The following USE1 variants were observed in gnomAD, a reference collection of about 807,000 sequenced individuals.
USE1 encodes the protein vesicle transport protein USE1.
USE1 carries 32 observed loss-of-function variants against 37.6 expected under a neutral mutation model. That is an observed-to-expected ratio of 0.85 (90% CI 0.64 to 1.14). The LOEUF is 1.14. USE1 is among the 50% of genes most tolerant of loss of function. USE1 has a pLI of 0.00. For synonymous variants in USE1, 149 were observed against 137.6 expected (o/e 1.08, Z -0.58); for missense variants, 310 against 332.2 (o/e 0.93, Z 0.52).
rs550089290 is a variant in USE1, at chr19:17,215,489, C to G, written c.84C>G (p.Asp28Glu). ...EAMAAEKRDP[D>E]EWRLEKYVGA... The stretch of plus-strand genomic sequence containing the variant: ...TGGCAGCGGAGAAACGGGACCCGGA[C>G]GAGTGGCGCCTGGAGAAGGTGAGGG... Residue 28 changes from aspartate (D) to glutamate (E), a missense_variant, in exon 1 of 8, where the codon GAC (aspartate) becomes GAG (glutamate). Physicochemically the swap from Asp to Glu is conservative, Grantham distance 45 (BLOSUM62 2). Transcript: ENST00000263897. 3 of 1,561,388 alleles carry G rather than the reference C, an allele frequency of 1.9e-6. No homozygotes were observed. Among genetic ancestry groups the G allele is most frequent in the South Asian group, 1.2e-5 (1 of 84,676 alleles).
intron 5 of USE1, 93 bp downstream of exon 5, chr19:17,217,555 C>T: frequency 6.6e-7 from 1 of 1,521,234 alleles, no homozygotes; most frequent in Non-Finnish European, 8.9e-7. Flanking sequence ...GCCGAGACTC[C>T]ATGCCCTGAC....
rs1413873717 is a variant in USE1 at position 17,216,060 on chromosome 19, C to G, written c.221C>G (p.Ala74Gly). Residue 74 changes from alanine to glycine, a missense_variant, in exon 3 of 8, where the codon GCC becomes GGC. Coordinates refer to ENST00000263897, the MANE Select transcript of USE1 (RefSeq NM_018467.4). ...KVDFLKGMLQ[A>G]EKLTSSSEKA... ...GATTTTCTGAAGGGGATGCTGCAAG[C>G]CGAGAAGCTGGTGAGAAGGGGTGCC... 5.0e-6 allele frequency: 8 copies of G among 1,612,368 alleles called. No individual in the cohort carries two copies. Among genetic ancestry groups the G allele is most frequent in the Non-Finnish European group, 6.8e-6 (8 of 1,179,290 alleles).
At chr19:17,219,078 G>A in intron 6 of USE1, 135 bp from the exon 7 acceptor site, 1 of 1,306,488 alleles carries the variant, frequency 7.7e-7, no homozygotes, top group Non-Finnish European at 1.0e-6. Context: ...AGTGAGCCGA[G>A]ATCATGCCAC....
intron 1 of USE1, 67 bp downstream of exon 1, chr19:17,215,574 A>C: frequency 6.6e-7 from 1 of 1,515,170 alleles, no homozygotes; most frequent in Non-Finnish European, 8.9e-7. Flanking sequence ...GTTGGAAGCC[A>C]CCTGGCCCGA....
chr19:17,219,169 C>A (rs746707144), intron 6 of USE1, 44 bp from the exon 7 acceptor site: 1 of 1,567,172 alleles, frequency 6.4e-7, no homozygotes, highest in Non-Finnish European at 8.7e-7. Flanking sequence ...CTCCCCTTTC[C>A]CACTCCATCT....
At chr19:17,216,146 C>T (rs752085436) in intron 3 of USE1, 23 bp from the exon 4 acceptor site, 7 of 1,613,270 alleles carry the variant, frequency 4.3e-6, no homozygotes, top group Admixed American at 1.7e-5. Context: ...CCTCCAGTGA[C>T]TTATCTTCCC....
chr19:17,215,693 C>A, intron 1 of USE1, 109 bp from the exon 2 acceptor site: 1 of 1,133,508 alleles, frequency 8.8e-7, no homozygotes, highest in South Asian at 1.5e-5. Flanking sequence ...CCCCACTGGC[C>A]CCGCCTCCTT....
chr19:17,215,612 A>G lies in USE1; in HGVS notation c.102+105A>G, dbSNP rs2073283860. On this transcript the variant is annotated intron_variant, in intron 1 of 7. Transcript: ENST00000263897. ...CCCCGGCCCCAGTAGCCTCTCGGGC[A>G]GCGCCCTTTCCGGTCAGTCCCGCCA... is the stretch of plus-strand genomic sequence containing the variant. The G allele has an allele frequency of 3.5e-6, 5 of 1,419,914 alleles. No homozygotes were observed. In the East Asian group the frequency reaches 9.9e-5, roughly 28 times the overall value. 88.0% of individuals were successfully genotyped at this position (1,419,914 alleles called of 1,614,324 possible).
rs550353809 is a variant in USE1 at position 17,215,836 on chromosome 19, T to C, written c.137T>C (p.Leu46Pro). ...VGALEDMLQA[L>P]KVHASKPASE... ...GCCCTAGAGGACATGTTGCAGGCCC[T>C]GAAGGTCCACGCGAGGTGAGTGCAG... Residue 46 changes from leucine to proline, a missense_variant, in exon 2 of 8, where the codon CTG (leucine) becomes CCG (proline). By Grantham distance (98) the Leu-to-Pro change is moderately conservative. Transcript: ENST00000263897. 3.7e-6 allele frequency: 6 copies of C among 1,607,906 alleles called. No individual in the cohort carries two copies. The highest frequency in any genetic ancestry group is 1.7e-5 in the Admixed American group (1 of 59,440).
In USE1 at chr19:17,219,403, G is replaced by A. The variant is rs59959709; in HGVS notation, c.597+16G>A. ...GGACAACCAGGTGTGGGGACTGGGGGAGCTCTCCAGCCTCTGCCCTGGGGC... is the reference window on the plus strand; with the variant it reads ...GGACAACCAGGTGTGGGGACTGGGGAAGCTCTCCAGCCTCTGCCCTGGGGC... On this transcript the variant is annotated intron_variant, in intron 7 of 7. Transcript: ENST00000263897. 8,562 of 1,547,622 alleles carry A rather than the reference G, an allele frequency of 5.5e-3. 358 individuals are homozygous for A. In the African/African-American group the frequency reaches 0.095, roughly 17 times the overall value.
At chr19:17,217,364 G>T in intron 4 of USE1, 89 bp from the exon 5 acceptor site, 1 of 1,461,846 alleles carries the variant, frequency 6.8e-7, no homozygotes, top group South Asian at 1.2e-5. Context: ...TCGAACTTCT[G>T]ACCTCAGGTG....
chr19:17,217,456 TCTGCAGGTGAGTCA>T lies in USE1; in HGVS notation c.390_394+9del. ...TGCCACTTACTTCTTTCCACAGGAC[TCTGCAGGTGAGTCA>T]CCATGAACACAACAGGACTTGAGGG... On this transcript the variant is annotated splice_donor_variant and splice_donor_5th_base_variant and coding_sequence_variant and intron_variant, in exon 5 of 8. Transcript: ENST00000263897. LOFTEE classifies it high-confidence loss of function. 6.2e-7 allele frequency: 1 copy of T among 1,611,428 alleles called. No homozygotes were observed. Among genetic ancestry groups the T allele is most frequent in the Non-Finnish European group, 8.5e-7 (1 of 1,178,526 alleles).
At chr19:17,216,989 A>T (rs8101432) in intron 4 of USE1, among the ~76,000 whole-genome samples, 3,237 of 152,084 alleles carry the variant, frequency 0.021, 106 homozygotes, top group African/African-American at 0.073. Flanking sequence ...AAAAAAAAAA[A>T]ATATGAGTTG....
rs10424672 is a variant in USE1, at chr19:17,219,094, T to G, written c.423-119T>G. The G allele has an allele frequency of 8.2e-4, 1,140 of 1,396,156 alleles. 11 individuals carry two copies. The African/African-American group carries it at 0.015, about 18-fold the overall frequency. The allele number at this position is 1,396,156 out of a possible 1,614,324, so 86.5% of individuals were successfully genotyped here. Reference sequence around the variant, plus strand: ...GTGAGCCGAGATCATGCCACTGCACTCCAGCCTGGGCAACAGAACGAGACT... The same window carrying G: ...GTGAGCCGAGATCATGCCACTGCACGCCAGCCTGGGCAACAGAACGAGACT... On this transcript the variant is annotated intron_variant, in intron 6 of 7. Transcript: ENST00000263897.
intron 4 of USE1, among the ~76,000 whole-genome samples, chr19:17,216,933 AAGC>A (rs2073294223): frequency 6.6e-6 from 1 of 151,892 alleles, no homozygotes; most frequent in Non-Finnish European, 1.5e-5. Flanking sequence ...AGCTGAGATC[AAGC>A]CATTGCACTC....
intron 5 of USE1, 40 bp downstream of exon 5, chr19:17,217,502 G>A (rs935700548): frequency 9.3e-6 from 15 of 1,607,830 alleles, no homozygotes; most frequent in Non-Finnish European, 1.3e-5. Flanking sequence ...AGGGCCAGCT[G>A]ACTAGGACAA....
intron 7 of USE1, 89 bp from the exon 8 acceptor site, chr19:17,219,542 C>G (rs915891621): frequency 1.2e-5 from 18 of 1,473,318 alleles, no homozygotes; most frequent in Non-Finnish European, 1.5e-5. Context: ...CACCAGCAAG[C>G]GACAAGAGGT....
intron 5 of USE1, 124 bp downstream of exon 5, chr19:17,217,586 A>C: frequency 7.3e-7 from 1 of 1,366,818 alleles, no homozygotes; most frequent in Non-Finnish European, 1.0e-6. Context: ...GCATCACCAA[A>C]CTACACCTGG....
rs367691351 is a variant in USE1 at position 17,219,197 on chromosome 19, C to G, written c.423-16C>G. 5.0e-6 allele frequency: 8 copies of G among 1,607,830 alleles called. No individual in the cohort carries two copies. The African/African-American group carries it at 6.7e-5, about 13-fold the overall frequency. On this transcript the variant is annotated splice_polypyrimidine_tract_variant and intron_variant, in intron 6 of 7. Transcript: ENST00000263897. Reference sequence around the variant, plus strand: ...CTCCATCTCTCATGTCCTCCTCCCCCCGTGTGTGAAATCAGTGGAGTGGCA... The same window carrying G: ...CTCCATCTCTCATGTCCTCCTCCCCGCGTGTGTGAAATCAGTGGAGTGGCA...
Sources: allele counts gnomAD v4.1 joint callset (sites outside exome capture counted in the v4.1 genomes callset), GRCh38; gene constraint gnomAD v4.1.1; transcripts MANE v1.5; gene names NCBI Gene and HGNC (gene_info 2026-07-23, HGNC 2026-07-21).